The following ADAMTS1 variants were observed in gnomAD, a reference collection of about 807,000 sequenced individuals.
ADAMTS1 encodes the protein A disintegrin and metalloproteinase with thrombospondin motifs 1.
A neutral mutation model predicts 87.9 loss-of-function variants in ADAMTS1; 19 were observed. That is an observed-to-expected ratio of 0.22 (90% CI 0.15 to 0.32). The LOEUF (loss-of-function observed/expected upper bound fraction) is 0.32, where lower values mean the gene tolerates loss of function less well. ADAMTS1 is among the 10% of genes least tolerant of loss of function. ADAMTS1 has a pLI of 1.00. For missense variants in ADAMTS1, 1,240 were observed against 1,259.1 expected (o/e 0.98, Z 0.23); for synonymous variants, 542 against 501.8 (o/e 1.08, Z -1.07).
Position 26,841,870 on chromosome 21 carries a change from C to T in ADAMTS1, c.1198G>A (p.Ala400Thr), listed in dbSNP as rs749895704. The T allele has an allele frequency of 1.2e-6, 2 of 1,612,728 alleles. No homozygotes were observed. Among genetic ancestry groups the T allele is most frequent in the African/African-American group, 1.3e-5 (1 of 74,878 alleles). ...DDGLQAAFTT[A>T]HELGHVFNMP... ...GAAGCAGACTTACCTAATTCATGGG[C>T]TGTGGTGAAGGCAGCTTGTAAACCA... Residue 400 changes from alanine (A) to threonine (T), a missense_variant, in exon 3 of 9, where the codon GCC becomes ACC. By Grantham distance (58) the Ala-to-Thr change is moderately conservative. This residue lies in a region of ADAMTS1 where 317 missense variants were observed against 410.3 expected (regional missense o/e 0.77). Coordinates refer to ENST00000284984, the MANE Select transcript of ADAMTS1 (RefSeq NM_006988.5).
intron 1 of ADAMTS1, among the ~76,000 whole-genome samples, chr21:26,843,312 A>C (rs1985534526): frequency 2.0e-5 from 3 of 152,316 alleles, no homozygotes; most frequent in East Asian, 3.9e-4. Context: ...GATTATTTGG[A>C]ACAGAGCCTT....
rs771433550 is a variant in ADAMTS1 at position 26,837,559 on chromosome 21, G to A, written c.*20C>T. The A allele has an allele frequency of 2.5e-6, 4 of 1,609,370 alleles. No homozygotes were observed. The highest frequency in any genetic ancestry group is 3.4e-6 in the Non-Finnish European group (4 of 1,176,698). ...TTCCTCACTTTGCCTTGCCCTCAAA[G>A]CTAACACCACTTAAACCACTTAACT... On this transcript the variant is annotated 3_prime_UTR_variant, in exon 9 of 9. Coordinates refer to ENST00000284984, the MANE Select transcript of ADAMTS1 (RefSeq NM_006988.5).
Position 26,836,385 on chromosome 21 carries a change from A to G in ADAMTS1, c.*1194T>C, listed in dbSNP as rs1985364621. The G allele has an allele frequency of 6.6e-6, 1 of 152,608 alleles. No individual in the cohort carries two copies. The highest frequency in any genetic ancestry group is 2.1e-4 in the South Asian group (1 of 4,838). The allele number at this position is 152,608 out of a possible 1,614,324, so 9.5% of individuals were successfully genotyped here. On this transcript the variant is annotated 3_prime_UTR_variant, in exon 9 of 9. Coordinates refer to ENST00000284984, the MANE Select transcript of ADAMTS1 (RefSeq NM_006988.5). The stretch of plus-strand genomic sequence containing the variant: ...GCGATATAATTTAAAAGTTTTTTTC[A>G]TTAGAAATAAATGTATAAAAATAAA...
rs561150383 is a variant in ADAMTS1, at chr21:26,843,411, G to A, written c.731-726C>T. On this transcript the variant is annotated intron_variant, in intron 1 of 8. Transcript: ENST00000284984. Reference sequence around the variant, plus strand: ...CCAGGAGCAGAGGAGCAGGGGAAAAGGGGAGAATTCTTTAAAAAATGACAC... The same window carrying A: ...CCAGGAGCAGAGGAGCAGGGGAAAAAGGGAGAATTCTTTAAAAAATGACAC... 92 of 459,782 alleles carry A rather than the reference G, an allele frequency of 2.0e-4. 1 individual carries two copies. Among genetic ancestry groups the A allele is most frequent in the African/African-American group, 1.8e-3 (88 of 49,490 alleles). The allele number at this position is 459,782 out of a possible 1,614,324, so 28.5% of individuals were successfully genotyped here.
In ADAMTS1 at chr21:26,840,515, C is replaced by G. The variant is rs765139475; in HGVS notation, c.1426G>C (p.Asp476His). The change falls in exon 5 of 9, where the codon GAT becomes CAT. Residue 476 changes from aspartate (D) to histidine (H), a missense_variant. Physicochemically the swap from Asp to His is moderately conservative, Grantham distance 81. Coordinates refer to ENST00000284984, the MANE Select transcript of ADAMTS1 (RefSeq NM_006988.5). ...GCATCGTACGAGGTGCCAGGGAGAT[C>G]GCCTGGGAGCTGTATGGGATTCTGA... Reference protein sequence around the residue: ...KPQNPIQLPGDLPGTSYDANR... With the variant: ...KPQNPIQLPGHLPGTSYDANR... 1.2e-6 allele frequency: 2 copies of G among 1,614,088 alleles called. No individual in the cohort carries two copies. Among genetic ancestry groups the G allele is most frequent in the Non-Finnish European group, 1.7e-6 (2 of 1,180,048 alleles).
rs759634102 is a variant in ADAMTS1 at position 26,835,913 on chromosome 21, C to G, written c.*1666G>C. The G allele has an allele frequency of 1.5e-4, 23 of 152,284 alleles. No homozygotes were observed. The highest frequency in any genetic ancestry group is 5.3e-4 in the African/African-American group (22 of 41,554). 9.4% of individuals were successfully genotyped at this position (152,284 alleles called of 1,614,324 possible). A position where few individuals can be genotyped will look rare whatever the true frequency, so the allele number is the denominator to read the frequency against. On this transcript the variant is annotated 3_prime_UTR_variant, in exon 9 of 9. Coordinates refer to ENST00000284984, the MANE Select transcript of ADAMTS1 (RefSeq NM_006988.5). Reference sequence around the variant, plus strand: ...CTTTATGGCTAGTTTTGTGCTACAACAGCACAGTTGAGCAGTTGTGACATA... The same window carrying G: ...CTTTATGGCTAGTTTTGTGCTACAAGAGCACAGTTGAGCAGTTGTGACATA...
At chr21:26,839,786 CATT>C (rs1283946033) in intron 6 of ADAMTS1, 24 bp from the exon 7 acceptor site, 1 of 1,603,812 alleles carries the variant, frequency 6.2e-7, no homozygotes, top group South Asian at 1.1e-5. Flanking sequence ...AATATGATAA[CATT>C]ATCAGTTTCC....
In ADAMTS1 at chr21:26,839,722, C is replaced by T. The variant is rs1985450267; in HGVS notation, c.1893G>A (p.Glu631=). 1 of 1,613,294 alleles carries T rather than the reference C, an allele frequency of 6.2e-7. No homozygotes were observed. Reference sequence around the variant, plus strand: ...CACTCCCAAAGGAAGCTTTTGAAAACTCGTTGTGTGCTTCACATTGTTCCT... The same window carrying T: ...CACTCCCAAAGGAAGCTTTTGAAAATTCGTTGTGTGCTTCACATTGTTCCT... The part of the protein sequence containing the change: ...FREEQCEAHN[E]FSKASFGSGP... Residue 631 remains glutamate (E), a synonymous_variant, in exon 7 of 9, where the codon GAG becomes GAA. Coordinates refer to ENST00000284984, the MANE Select transcript of ADAMTS1 (RefSeq NM_006988.5).
chr21:26,839,429 A>G (rs1443116625), intron 7 of ADAMTS1, 158 bp downstream of exon 7: 1 of 655,526 alleles, frequency 1.5e-6, no homozygotes, highest in East Asian at 2.7e-5. Flanking sequence ...CTAAACTCAA[A>G]GCAGGCAGTT....
At chr21:26,841,294 C>A (rs905576473) in intron 3 of ADAMTS1, 129 bp from the exon 4 acceptor site, 1 of 892,090 alleles carries the variant, frequency 1.1e-6, no homozygotes, top group East Asian at 2.6e-5. Context: ...GCATGGCCAA[C>A]ATAGTGAAAC....
At position 26,838,232 on chromosome 21, in the gene ADAMTS1, T is replaced by A. The variant is rs1165299969; in HGVS notation, c.2251A>T (p.Ile751Phe). The A allele has an allele frequency of 1.2e-6, 2 of 1,613,314 alleles. No homozygotes were observed. Among genetic ancestry groups the A allele is most frequent in the African/African-American group, 2.7e-5 (2 of 74,896 alleles). Reference protein sequence around the residue: ...IITIPTGATNIEVKQRNQRGS... With the variant: ...IITIPTGATNFEVKQRNQRGS... ...CTCTGGTTCCGCTGTTTCACTTCGA[T>A]GTTGGTGGCTCCAGTTGGAATTGTG... The change falls in exon 9 of 9, where the codon ATC (isoleucine) becomes TTC (phenylalanine). Residue 751 changes from isoleucine (I) to phenylalanine (F), a missense_variant. Coordinates refer to ENST00000284984, the MANE Select transcript of ADAMTS1 (RefSeq NM_006988.5).
Position 26,844,364 on chromosome 21 carries a change from C to G in ADAMTS1, c.591G>C (p.Thr197=). Residue 197 remains threonine (T), a synonymous_variant, in exon 1 of 9, where the codon ACG becomes ACC. Transcript: ENST00000284984. ...RRNRQGDVGG[T]CGVVDDEPRP... ...GGGGCTCGTCGTCCACGACCCCGCA[C>G]GTGCCGCCGACGTCGCCCTGCCGAT... is the stretch of plus-strand genomic sequence containing the variant. 3.1e-6 allele frequency: 5 copies of G among 1,596,690 alleles called. No homozygotes were observed. The South Asian group carries it at 5.6e-5, about 18-fold the overall frequency.
At position 26,844,588 on chromosome 21, in the gene ADAMTS1, A is replaced by G. The variant is rs533056618; in HGVS notation, c.367T>C (p.Cys123Arg). 1 of 1,611,336 alleles carries G rather than the reference A, an allele frequency of 6.2e-7. No individual in the cohort carries two copies. Among genetic ancestry groups the G allele is most frequent in the Admixed American group, 1.7e-5 (1 of 59,824 alleles). The change falls in exon 1 of 9, where the codon TGC becomes CGC. Residue 123 changes from cysteine (C) to arginine (R), a missense_variant. This residue lies in a region of ADAMTS1 where 521 missense variants were observed against 449.7 expected (regional missense o/e 1.16). Coordinates refer to ENST00000284984, the MANE Select transcript of ADAMTS1 (RefSeq NM_006988.5). ...TPLPETDLAHCFYSGTVNGDP... is the reference protein window; with the variant it reads ...TPLPETDLAHRFYSGTVNGDP... The stretch of plus-strand genomic sequence containing the variant: ...CCATTCACGGTGCCGGAGTAGAAGC[A>G]GTGCGCCAGGTCGGTTTCCGGAAGC...
chr21:26,841,256 A>G (rs1601923111), intron 3 of ADAMTS1, 91 bp from the exon 4 acceptor site: 1 of 1,404,696 alleles, frequency 7.1e-7, no homozygotes. Context: ...AGGCGGGTGG[A>G]TCACTTGAGG....
chr21:26,842,357 T>G lies in ADAMTS1; in HGVS notation c.1059A>C (p.Ala353=), dbSNP rs1330879954. The part of the protein sequence containing the change: ...SDRDAEHYDT[A]ILFTRQDLCG... ...CTCTTACCTGTCTGGTGAAAAGAAT[T>G]GCTGTGTCATAGTGCTCTGCATCCC... Residue 353 remains alanine (A), a synonymous_variant, in exon 2 of 9, where the codon GCA becomes GCC. Transcript: ENST00000284984. 1 of 1,614,036 alleles carries G rather than the reference T, an allele frequency of 6.2e-7. No individual in the cohort carries two copies. Among genetic ancestry groups the G allele is most frequent in the South Asian group, 1.1e-5 (1 of 91,042 alleles).
chr21:26,842,586 C>T lies in ADAMTS1; in HGVS notation c.830G>A (p.Gly277Asp). ...DQSMAEFHGS[G>D]LKHYLLTLFS... Reference sequence around the variant, plus strand: ...CAACGTGAGAAGGTAATGCTTTAGACCACTGCCGTGGAATTCTGCCATCGA... The same window carrying T: ...CAACGTGAGAAGGTAATGCTTTAGATCACTGCCGTGGAATTCTGCCATCGA... The change falls in exon 2 of 9, where the codon GGT becomes GAT. Residue 277 changes from glycine to aspartate, a missense_variant. By Grantham distance (94) the Gly-to-Asp change is moderately conservative. This residue lies in a region of ADAMTS1 where 521 missense variants were observed against 449.7 expected (regional missense o/e 1.16). Coordinates refer to ENST00000284984, the MANE Select transcript of ADAMTS1 (RefSeq NM_006988.5). 6.2e-7 allele frequency: 1 copy of T among 1,614,152 alleles called. No homozygotes were observed. Among genetic ancestry groups the T allele is most frequent in the Non-Finnish European group, 8.5e-7 (1 of 1,180,032 alleles).
Position 26,844,282 on chromosome 21 carries a change from C to T in ADAMTS1, c.673G>A (p.Glu225Lys), listed in dbSNP as rs767261134. 1 of 1,603,610 alleles carries T rather than the reference C, an allele frequency of 6.2e-7. No homozygotes were observed. The highest frequency in any genetic ancestry group is 1.3e-5 in the African/African-American group (1 of 74,896). ...DEDEGTEGED[E>K]GAQWSPQDPA... ...TCCTGCGGCGACCACTGAGCCCCTT[C>T]GTCCTCGCCCTCAGTCCCTTCGTCC... Residue 225 changes from glutamate (E) to lysine (K), a missense_variant, in exon 1 of 9, where the codon GAA (glutamate) becomes AAA (lysine). Glu to Lys is a moderately conservative substitution (Grantham distance 56). This residue lies in a region of ADAMTS1 where 521 missense variants were observed against 449.7 expected (regional missense o/e 1.16). Transcript: ENST00000284984.
chr21:26,844,829 C>G lies in ADAMTS1; in HGVS notation c.126G>C (p.Ala42=). 6.4e-7 allele frequency: 1 copy of G among 1,552,012 alleles called. No homozygotes were observed. The part of the protein sequence containing the change: ...PVPTLLLLAA[A]LLAVSDALGR... ...CGAGTGCGTCCGACACGGCCAGTAG[C>G]GCCGCGGCGAGCAGCAGCAGCGTGG... The change falls in exon 1 of 9, where the codon GCG becomes GCC. Residue 42 remains alanine, a synonymous_variant. Coordinates refer to ENST00000284984, the MANE Select transcript of ADAMTS1 (RefSeq NM_006988.5).
rs1985355198 is a variant in ADAMTS1 at position 26,835,915 on chromosome 21, GCA to G, written c.*1662_*1663del. 6.6e-6 allele frequency: 1 copy of G among 152,182 alleles called. No individual in the cohort carries two copies. The highest frequency in any genetic ancestry group is 2.4e-5 in the African/African-American group (1 of 41,438). The allele number at this position is 152,182 out of a possible 1,614,324, so 9.4% of individuals were successfully genotyped here. ...TTATGGCTAGTTTTGTGCTACAACA[GCA>G]CAGTTGAGCAGTTGTGACATAGATG... On this transcript the variant is annotated 3_prime_UTR_variant, in exon 9 of 9. Coordinates refer to ENST00000284984, the MANE Select transcript of ADAMTS1 (RefSeq NM_006988.5).
Sources: gnomAD v4.1 joint callset for allele counts (sites outside exome capture counted in the v4.1 genomes callset) on GRCh38, gnomAD v4.1.1 for gene constraint, gnomAD v4.1.1 regional missense constraint, MANE v1.5 for transcripts, NCBI Gene and HGNC (gene_info 2026-07-23, HGNC 2026-07-21) for gene names.